Variants in SF3B3 observed in about 807,000 individuals in gnomAD.
The protein encoded by SF3B3 is SAP 130.
Under a neutral mutation model 139.2 loss-of-function variants are expected in SF3B3, and 33 were observed. The ratio of observed to expected loss-of-function variants is 0.24; its 90% CI spans 0.18 to 0.32. The LOEUF (loss-of-function observed/expected upper bound fraction) is 0.32. Ranked by LOEUF, SF3B3 falls within the 10% of genes least tolerant of loss-of-function variation. The pLI, the probability that SF3B3 is intolerant of heterozygous loss-of-function variation, is 1.00. For missense variants in SF3B3, 818 were observed against 1,509.4 expected, an observed-to-expected ratio of 0.54 and a Z score of 7.59; for synonymous variants, 596 against 563.6, an observed-to-expected ratio of 1.06 and a Z score of -0.81.
intron 11 of SF3B3, among the ~76,000 whole-genome samples, chr16:70,552,994 T>C (rs1262689172): frequency 6.6e-6 from 1 of 152,186 alleles, no homozygotes; most frequent in Non-Finnish European, 1.5e-5. Flanking sequence ...CACTGCGGCC[T>C]CCGCCTCCCG....
At chr16:70,531,307 C>CT (rs2050119262) in intron 4 of SF3B3, among the ~76,000 whole-genome samples, 1 of 151,962 alleles carries the variant, frequency 6.6e-6, no homozygotes, top group South Asian at 2.1e-4. Context: ...TTGTGCATAC[C>CT]TTTTTTTCTT....
At chr16:70,525,739 G>C (rs1374492228) in intron 1 of SF3B3, among the ~76,000 whole-genome samples, 1 of 151,838 alleles carries the variant, frequency 6.6e-6, no homozygotes, top group African/African-American at 2.4e-5. Flanking sequence ...AGGCGGAGGC[G>C]GGCGGATCAC....
At chr16:70,556,640 G>A in intron 14 of SF3B3, 1 of 598,670 alleles carries the variant, frequency 1.7e-6, no homozygotes. Context: ...CTTTTCAGGA[G>A]GTGTGCTTTG....
chr16:70,571,285 G>A, intron 25 of SF3B3, 86 bp downstream of exon 25: 1 of 1,019,442 alleles, frequency 9.8e-7, no homozygotes, highest in Admixed American at 1.8e-5. Context: ...TACCAGGGAG[G>A]GTGCTCCCCT....
chr16:70,554,384 T>G, intron 11 of SF3B3, 62 bp from the exon 12 acceptor site: 1 of 1,529,306 alleles, frequency 6.5e-7, no homozygotes, highest in Non-Finnish European at 9.0e-7. Context: ...TCTTAGTGTT[T>G]CATTTGGCTT....
In SF3B3 at chr16:70,529,209, T is replaced by G; in HGVS notation, c.397+10T>G. On this transcript the variant is annotated intron_variant, in intron 3 of 25. Coordinates refer to ENST00000302516, the MANE Select transcript of SF3B3 (RefSeq NM_012426.5). ...CGAGCCGTTATGATTAGTAAGTGATTTACTCTACTTGCTGTATATGCCTAG... is the reference window on the plus strand; with the variant it reads ...CGAGCCGTTATGATTAGTAAGTGATGTACTCTACTTGCTGTATATGCCTAG... 6.2e-7 allele frequency: 1 copy of G among 1,602,972 alleles called. No homozygotes were observed. The highest frequency in any genetic ancestry group is 1.3e-5 in the African/African-American group (1 of 74,796).
intron 9 of SF3B3, among the ~76,000 whole-genome samples, 186 bp from the exon 10 acceptor site, chr16:70,544,252 A>T (rs923022830): frequency 6.6e-6 from 1 of 152,200 alleles, no homozygotes; most frequent in Non-Finnish European, 1.5e-5. Context: ...CAGAGAGAGT[A>T]AAGAATTTTC....
intron 9 of SF3B3, among the ~76,000 whole-genome samples, chr16:70,542,654 C>G (rs1230937654): frequency 6.6e-6 from 1 of 151,956 alleles, no homozygotes; most frequent in Non-Finnish European, 1.5e-5. Context: ...TTTGTTCTTC[C>G]TTTCTGAGAA....
intron 11 of SF3B3, among the ~76,000 whole-genome samples, chr16:70,551,761 C>G (rs1254323888): frequency 6.6e-6 from 1 of 152,154 alleles, no homozygotes; most frequent in Non-Finnish European, 1.5e-5. Context: ...CCAGGCTGGT[C>G]TTGAGCTCCT....
rs576195943 is a variant in SF3B3, at chr16:70,567,582, G to T, written c.2952+46G>T. 3.8e-6 allele frequency: 6 copies of T among 1,583,246 alleles called. No homozygotes were observed. In the South Asian group the frequency reaches 7.0e-5, roughly 18 times the overall value. On this transcript the variant is annotated intron_variant, in intron 21 of 25. Transcript: ENST00000302516. ...GCTGAGATCTAGCTCATGTGTCAAGGGTGGGGGCATTGGTGGGGTGGTGGG... is the reference window on the plus strand; with the variant it reads ...GCTGAGATCTAGCTCATGTGTCAAGTGTGGGGGCATTGGTGGGGTGGTGGG...
intron 9 of SF3B3, among the ~76,000 whole-genome samples, chr16:70,543,025 G>C (rs1230120726): frequency 1.3e-5 from 2 of 152,146 alleles, no homozygotes; most frequent in East Asian, 3.9e-4. Context: ...GCCCGGCCAA[G>C]TGTGACTAAT....
At chr16:70,546,857 C>T (rs1253799931) in intron 10 of SF3B3, among the ~76,000 whole-genome samples, 1 of 152,032 alleles carries the variant, frequency 6.6e-6, no homozygotes, top group East Asian at 1.9e-4. Flanking sequence ...GAAACCCCGT[C>T]TCTACTAAAA....
intron 7 of SF3B3, 129 bp downstream of exon 7, chr16:70,538,589 A>T: frequency 2.8e-6 from 2 of 725,948 alleles, no homozygotes; most frequent in Non-Finnish European, 4.4e-6. Context: ...ATATGAGTAT[A>T]GATTTTCTCT....
At chr16:70,534,317 G>A (rs1011147823) in intron 5 of SF3B3, among the ~76,000 whole-genome samples, 1 of 152,180 alleles carries the variant, frequency 6.6e-6, no homozygotes, top group African/African-American at 2.4e-5. Context: ...AAGGGACTGG[G>A]GTAGGAGTAG....
chr16:70,540,361 C>G (rs768503444), intron 8 of SF3B3, among the ~76,000 whole-genome samples: 30 of 145,708 alleles, frequency 2.1e-4, no homozygotes, highest in Non-Finnish European at 3.8e-4. Flanking sequence ...CGTGCCCAGC[C>G]GAGCCTTCTT....
Position 70,565,431 on chromosome 16 carries a change from G to C in SF3B3, c.2733G>C (p.Lys911Asn). Residue 911 changes from lysine (K) to asparagine (N), a missense_variant, in exon 20 of 26, where the codon AAG (lysine) becomes AAC (asparagine). Coordinates refer to ENST00000302516, the MANE Select transcript of SF3B3 (RefSeq NM_012426.5). The part of the protein sequence containing the change: ...EDWYVLVGVA[K>N]DLILNPRSVA... ...GGTATGTGCTGGTGGGTGTGGCCAA[G>C]GACCTGATACTAAACCCCCGATCTG... The C allele has an allele frequency of 6.2e-7, 1 of 1,614,156 alleles. No homozygotes were observed. The highest frequency in any genetic ancestry group is 8.5e-7 in the Non-Finnish European group (1 of 1,180,026).
At position 70,571,202 on chromosome 16, in the gene SF3B3, A is replaced by G; in HGVS notation, c.3513+3A>G. 1.3e-6 allele frequency: 2 copies of G among 1,592,320 alleles called. No individual in the cohort carries two copies. Among genetic ancestry groups the G allele is most frequent in the Non-Finnish European group, 1.7e-6 (2 of 1,160,152 alleles). ...GCTCCTACTACTTCCCTGTGAAGGT[A>G]GGTTGGGGGAATCTGAGCTGAAAAG... is the stretch of plus-strand genomic sequence containing the variant. On this transcript the variant is annotated splice_donor_region_variant and intron_variant, in intron 25 of 25. Coordinates refer to ENST00000302516, the MANE Select transcript of SF3B3 (RefSeq NM_012426.5).
chr16:70,567,336 A>G, intron 20 of SF3B3, 75 bp from the exon 21 acceptor site: 5 of 1,489,924 alleles, frequency 3.4e-6, no homozygotes, highest in Non-Finnish European at 4.5e-6. Context: ...GGAAGTAGGC[A>G]TTTCTGGGCA....
At chr16:70,552,459 C>T (rs1479465088) in intron 11 of SF3B3, among the ~76,000 whole-genome samples, 1 of 152,196 alleles carries the variant, frequency 6.6e-6, no homozygotes, top group Non-Finnish European at 1.5e-5. Context: ...ACTGAGACAT[C>T]CATTTCAGAG....
Sources: allele counts gnomAD v4.1 joint callset (sites outside exome capture counted in the v4.1 genomes callset), GRCh38; gene constraint gnomAD v4.1.1; transcripts MANE v1.5; gene names NCBI Gene and HGNC (gene_info 2026-07-23, HGNC 2026-07-21).